TMCC1: variants seen among roughly 807,000 people sequenced by gnomAD.
TMCC1 encodes the protein transmembrane and coiled-coil domains protein 1.
A neutral mutation model predicts 52.4 loss-of-function variants in TMCC1; 15 were observed. The ratio of observed to expected loss-of-function variants is 0.29; its 90% confidence interval spans 0.19 to 0.44. TMCC1 has a LOEUF of 0.44. TMCC1 is among the 20% of genes least tolerant of loss of function. TMCC1 has a pLI of 1.00. For synonymous variants in TMCC1, 279 were observed against 301.9 expected (o/e 0.92, Z 0.79); for missense variants, 503 against 806.0 (o/e 0.62, Z 4.55).
chr3:129,860,035 G>C (rs554275900), intron 2 of TMCC1, among the ~76,000 whole-genome samples: 2 of 152,026 alleles, frequency 1.3e-5, no homozygotes, highest in Non-Finnish European at 2.9e-5. Context: ...AGGACATAAA[G>C]CAAAGAAGAA....
intron 4 of TMCC1, among the ~76,000 whole-genome samples, chr3:129,780,430 C>T (rs1172548622): frequency 6.6e-6 from 1 of 151,972 alleles, no homozygotes; most frequent in Non-Finnish European, 1.5e-5. Context: ...TCCACCCCTC[C>T]ACCCCTCTAT....
chr3:129,787,741 A>G (rs1281964592), intron 4 of TMCC1, among the ~76,000 whole-genome samples: 1 of 152,226 alleles, frequency 6.6e-6, no homozygotes, highest in African/African-American at 2.4e-5. Flanking sequence ...ACAAGTTTTT[A>G]AAGTGTTAAT....
intron 2 of TMCC1, among the ~76,000 whole-genome samples, chr3:129,861,244 T>A (rs1439051321): frequency 6.6e-6 from 1 of 152,056 alleles, no homozygotes; most frequent in African/African-American, 2.4e-5. Context: ...ATCAAGACCA[T>A]CCTGGCCAAC....
At chr3:129,849,974 T>G (rs1227847675) in intron 2 of TMCC1, among the ~76,000 whole-genome samples, 1 of 152,166 alleles carries the variant, frequency 6.6e-6, no homozygotes, top group Non-Finnish European at 1.5e-5. Flanking sequence ...AGCAGATTTG[T>G]TGTGAATTCT....
At chr3:129,877,477 C>G (rs2061269875) in intron 2 of TMCC1, among the ~76,000 whole-genome samples, 1 of 152,196 alleles carries the variant, frequency 6.6e-6, no homozygotes, top group South Asian at 2.1e-4. Flanking sequence ...TTACTTCCAT[C>G]TCTACTCACT....
At chr3:129,734,403 G>T (rs1240612033) in intron 4 of TMCC1, among the ~76,000 whole-genome samples, 2 of 152,146 alleles carry the variant, frequency 1.3e-5, no homozygotes, top group African/African-American at 4.8e-5. Flanking sequence ...TTTATGGACA[G>T]ATGTACATGC....
rs1042234109 is a variant in TMCC1, at chr3:129,804,002, C to T, written c.576+23801G>A. Among the ~76,000 whole-genome samples, 2 of 152,058 alleles carry T rather than the reference C, an allele frequency of 1.3e-5. 1 individual carries two copies. The highest frequency in any genetic ancestry group is 2.9e-5 in the Non-Finnish European group (2 of 68,018). Reference sequence around the variant, plus strand: ...GTATTCCTTGCAATCGTTTGCAATGCCCAGAGCACGTTGAACATGAACATT... The same window carrying T: ...GTATTCCTTGCAATCGTTTGCAATGTCCAGAGCACGTTGAACATGAACATT... On this transcript the variant is annotated intron_variant, in intron 4 of 6. Transcript: ENST00000393238.
intron 4 of TMCC1, among the ~76,000 whole-genome samples, chr3:129,745,498 T>C (rs1467623159): frequency 1.3e-5 from 2 of 152,214 alleles, no homozygotes; most frequent in Non-Finnish European, 2.9e-5. Flanking sequence ...GGAAATGCTG[T>C]ATGTTTATAG....
At chr3:129,795,481 T>C (rs556966305) in intron 4 of TMCC1, among the ~76,000 whole-genome samples, 1 of 152,260 alleles carries the variant, frequency 6.6e-6, no homozygotes, top group East Asian at 1.9e-4. Context: ...TGTTCCAGTG[T>C]CTCTCAATTT....
intron 4 of TMCC1, among the ~76,000 whole-genome samples, chr3:129,683,793 A>G (rs1361871275): frequency 6.6e-6 from 1 of 152,194 alleles, no homozygotes; most frequent in African/African-American, 2.4e-5. Flanking sequence ...CTGAATAAAA[A>G]TTATTTTAAG....
chr3:129,760,494 G>GTGTGTGTT (rs1491495500), intron 4 of TMCC1, among the ~76,000 whole-genome samples: 1 of 145,088 alleles, frequency 6.9e-6, no homozygotes, highest in Non-Finnish European at 1.5e-5. Context: ...GTGTGTGTGT[G>GTGTGTGTT]TTTTTGAGAC....
At chr3:129,870,510 C>A (rs373693278) in intron 2 of TMCC1, among the ~76,000 whole-genome samples, 2 of 151,622 alleles carry the variant, frequency 1.3e-5, no homozygotes, top group Non-Finnish European at 2.9e-5. Flanking sequence ...GAGGCCGAGG[C>A]GGGCAGATCA....
At chr3:129,855,776 T>C (rs912219894) in intron 2 of TMCC1, among the ~76,000 whole-genome samples, 9 of 152,202 alleles carry the variant, frequency 5.9e-5, no homozygotes, top group African/African-American at 1.9e-4. Context: ...CAGTTCTCAG[T>C]GATGTTTCAA....
chr3:129,761,945 C>T (rs915049391), intron 4 of TMCC1, among the ~76,000 whole-genome samples: 4 of 135,318 alleles, frequency 3.0e-5, no homozygotes, highest in Non-Finnish European at 6.2e-5. Flanking sequence ...AAGCCGAGAT[C>T]GTGCCATTGC....
At chr3:129,748,758 T>C (rs1203346845) in intron 4 of TMCC1, among the ~76,000 whole-genome samples, 1 of 152,104 alleles carries the variant, frequency 6.6e-6, no homozygotes, top group African/African-American at 2.4e-5. Context: ...ATCCCAGCAC[T>C]TTGGGAGGCT....
intron 2 of TMCC1, among the ~76,000 whole-genome samples, chr3:129,863,098 G>C (rs896335296): frequency 6.6e-6 from 1 of 152,146 alleles, no homozygotes; most frequent in Non-Finnish European, 1.5e-5. Flanking sequence ...ATACTGACTG[G>C]AAAGGGACAT....
intron 1 of TMCC1, chr3:129,892,636 T>C (rs1577252447): frequency 6.6e-6 from 1 of 152,198 alleles, no homozygotes; most frequent in Non-Finnish European, 1.5e-5. Flanking sequence ...CACTAACGTG[T>C]AACGTGTCAC....
intron 1 of TMCC1, 23 bp from the exon 2 acceptor site, chr3:129,880,582 A>C (rs967119616): frequency 6.6e-6 from 1 of 152,142 alleles, no homozygotes; most frequent in African/African-American, 2.4e-5. Context: ...AGAAGCAAGA[A>C]AAGGAGAAAG....
At chr3:129,847,912 T>G (rs1003414545) in intron 2 of TMCC1, 1 of 152,248 alleles carries the variant, frequency 6.6e-6, no homozygotes, top group Non-Finnish European at 1.5e-5. Flanking sequence ...TATATTTCCC[T>G]AATGACTTAC....
Sources: gnomAD v4.1 joint callset for allele counts (sites outside exome capture counted in the v4.1 genomes callset) on GRCh38, gnomAD v4.1.1 for gene constraint, MANE v1.5 for transcripts, NCBI Gene and HGNC (gene_info 2026-07-23, HGNC 2026-07-21) for gene names.